FBH1: variants seen among roughly 807,000 people sequenced by gnomAD.
FBH1 encodes DNA 3'-5' helicase 1.
A neutral mutation model predicts 115.5 loss-of-function variants in FBH1; 43 were observed. The observed-to-expected ratio is 0.37, with a 90% confidence interval of 0.29 to 0.48. The LOEUF (loss-of-function observed/expected upper bound fraction) is 0.48, where lower values mean the gene tolerates loss of function less well. FBH1 is among the 20% of genes least tolerant of loss of function. The probability of loss-of-function intolerance (pLI) is 0.99; values close to 1 mark genes in which losing one functional copy is unlikely to be tolerated. For synonymous variants in FBH1, 524 were observed against 507.8 expected (o/e 1.03, Z -0.43); for missense variants, 1,001 against 1,337.3 (o/e 0.75, Z 3.92).
chr10:5,919,446 A>G (rs1369743786), intron 13 of FBH1, among the ~76,000 whole-genome samples: 2 of 152,174 alleles, frequency 1.3e-5, no homozygotes, highest in Non-Finnish European at 2.9e-5. Flanking sequence ...AGGTCGCACC[A>G]TTGTACTCCA....
chr10:5,915,670 C>A lies in FBH1; in HGVS notation c.1565+99C>A. On this transcript the variant is annotated intron_variant, in intron 9 of 20. Coordinates refer to ENST00000362091, the MANE Select transcript of FBH1 (RefSeq NM_178150.3). This position sits in a 1 kb window ranked among gnomAD's most constrained non-coding sequence, Gnocchi z 5.2. The stretch of plus-strand genomic sequence containing the variant: ...CATGTGAGCTTACACCACAGTGACC[C>A]CGAGGAGTGTAGTGCTGTTATCTCC... 1.8e-6 allele frequency: 2 copies of A among 1,125,588 alleles called. No homozygotes were observed. The highest frequency in any genetic ancestry group is 2.4e-5 in the East Asian group (1 of 40,940). The allele number at this position is 1,125,588 out of a possible 1,614,324, so 69.7% of individuals were successfully genotyped here.
Position 5,913,628 on chromosome 10 carries a change from A to G in FBH1, c.1212-119A>G, listed in dbSNP as rs1028426927. The G allele has an allele frequency of 6.1e-6, 4 of 651,260 alleles. No individual in the cohort carries two copies. The African/African-American group carries it at 7.6e-5, about 12-fold the overall frequency. The allele number at this position is 651,260 out of a possible 1,614,324, so 40.3% of individuals were successfully genotyped here. The stretch of plus-strand genomic sequence containing the variant: ...TCCTTTTCTTTCTTTTTTCCATTAA[A>G]TGGTGGTAGGTATTTTCTTTTTAGA... On this transcript the variant is annotated intron_variant, in intron 6 of 20. Transcript: ENST00000362091. The surrounding 1 kb of genome is among the most constrained non-coding windows in gnomAD (Gnocchi z 4.4).
chr10:5,906,651 CG>C lies in FBH1; in HGVS notation c.753+22del. 1.9e-6 allele frequency: 3 copies of C among 1,568,182 alleles called. No individual in the cohort carries two copies. The South Asian group carries it at 3.4e-5, about 18-fold the overall frequency. On this transcript the variant is annotated intron_variant, in intron 3 of 20. Coordinates refer to ENST00000362091, the MANE Select transcript of FBH1 (RefSeq NM_178150.3). This position sits in a 1 kb window ranked among gnomAD's most constrained non-coding sequence, Gnocchi z 7.3. ...CCCGCTGGTGAGTGAGTGCTGGAGT[CG>C]GGAGATGTTTCCTCTAAAAGCACGT...
rs561283894 is a variant in FBH1 at position 5,924,634 on chromosome 10, C to T, written c.2596+126C>T. On this transcript the variant is annotated intron_variant, in intron 17 of 20. Coordinates refer to ENST00000362091, the MANE Select transcript of FBH1 (RefSeq NM_178150.3). This position sits in a 1 kb window ranked among gnomAD's most constrained non-coding sequence, Gnocchi z 6.2. ...CCAGGCTGGAGTGCAGTGGCGTGAT[C>T]TTGGCTCACTGCAATGCCCACCTTC... 1.1e-5 allele frequency: 10 copies of T among 941,578 alleles called. No homozygotes were observed. The African/African-American group carries it at 1.3e-4, about 12-fold the overall frequency. The allele number at this position is 941,578 out of a possible 1,614,324, so 58.3% of individuals were successfully genotyped here.
intron 18 of FBH1, among the ~76,000 whole-genome samples, chr10:5,926,493 G>A (rs990520406): frequency 6.6e-6 from 1 of 152,172 alleles, no homozygotes; most frequent in African/African-American, 2.4e-5. Flanking sequence ...TATTGCTTTG[G>A]TTTTAAATCT....
chr10:5,896,224 G>A (rs1842995091), intron 1 of FBH1, among the ~76,000 whole-genome samples: 1 of 152,056 alleles, frequency 6.6e-6, no homozygotes, highest in Admixed American at 6.6e-5. Context: ...CATCTCCATC[G>A]GGGGACCTCA....
chr10:5,903,274 A>G, intron 2 of FBH1, 99 bp downstream of exon 2: 1 of 939,620 alleles, frequency 1.1e-6, no homozygotes, highest in Non-Finnish European at 1.5e-6. Flanking sequence ...TGCTGCTGTG[A>G]GTTTGTAGTC....
intron 10 of FBH1, among the ~76,000 whole-genome samples, chr10:5,916,669 T>A (rs28750073): frequency 6.7e-5 from 9 of 134,562 alleles, no homozygotes; most frequent in African/African-American, 1.8e-4. Flanking sequence ...GGATGGGGGA[T>A]CAGGGGAAGT....
chr10:5,915,094 C>G lies in FBH1; in HGVS notation c.1397-309C>G, dbSNP rs560650578. On this transcript the variant is annotated intron_variant, in intron 8 of 20. Coordinates refer to ENST00000362091, the MANE Select transcript of FBH1 (RefSeq NM_178150.3). This position sits in a 1 kb window ranked among gnomAD's most constrained non-coding sequence, Gnocchi z 5.2. ...CCTATCCTGAGGGGTCCTTTTTGCC[C>G]TCGGGAACCCTACCTCTAATGGATA... Among the ~76,000 whole-genome samples the G allele has an allele frequency of 2.0e-5, 3 of 152,078 alleles. No homozygotes were observed. The highest frequency in any genetic ancestry group is 4.4e-5 in the Non-Finnish European group (3 of 68,006).
Position 5,917,702 on chromosome 10 carries a change from A to G in FBH1, c.1963+26A>G. On this transcript the variant is annotated intron_variant, in intron 12 of 20. Coordinates refer to ENST00000362091, the MANE Select transcript of FBH1 (RefSeq NM_178150.3). This position sits in a 1 kb window ranked among gnomAD's most constrained non-coding sequence, Gnocchi z 5.6. ...GTGATACACTGTTCAGGACATCAGT[A>G]GTGTCAAATACGTAGAAACAGCGCC... 6.4e-7 allele frequency: 1 copy of G among 1,560,600 alleles called. No individual in the cohort carries two copies. Among genetic ancestry groups the G allele is most frequent in the Middle Eastern group, 1.7e-4 (1 of 5,954 alleles).
intron 9 of FBH1, 160 bp from the exon 10 acceptor site, chr10:5,916,074 G>T (rs1398702034): frequency 1.1e-5 from 7 of 656,332 alleles, no homozygotes; most frequent in Middle Eastern, 4.2e-4. Context: ...TTTCCAGTCA[G>T]ACATGGACCA....
chr10:5,890,186 C>T (rs1842610597), upstream of FBH1: 3 of 335,812 alleles, frequency 8.9e-6, no homozygotes, highest in East Asian at 4.6e-5. Context: ...GGGCGCTTCC[C>T]GGGGCTGCGG....
rs1832336157 is a variant in FBH1, at chr10:5,921,863, CT to C, written c.2322+298del. On this transcript the variant is annotated intron_variant, in intron 15 of 20. Coordinates refer to ENST00000362091, the MANE Select transcript of FBH1 (RefSeq NM_178150.3). The surrounding 1 kb of genome is among the most constrained non-coding windows in gnomAD (Gnocchi z 6.4). ...CAGTGAGGCCGCGGGTTACTGGAAG[CT>C]TTTCTAGTCATGTGTTGTCATTAGT... Among the ~76,000 whole-genome samples, 1 of 152,174 alleles carries C rather than the reference CT, an allele frequency of 6.6e-6. No individual in the cohort carries two copies. Among genetic ancestry groups the C allele is most frequent in the African/African-American group, 2.4e-5 (1 of 41,432 alleles).
intron 1 of FBH1, among the ~76,000 whole-genome samples, chr10:5,898,382 C>G (rs544523121): frequency 7.2e-4 from 109 of 152,226 alleles, no homozygotes; most frequent in African/African-American, 2.5e-3. Flanking sequence ...GGACTCCACC[C>G]TTGTGACCTT....
chr10:5,894,446 A>T, intron 1 of FBH1: 3 of 1,553,576 alleles, frequency 1.9e-6, no homozygotes, highest in Non-Finnish European at 2.7e-6. Flanking sequence ...GCACTGGACT[A>T]GGGGAGTCAG....
Position 5,895,075 on chromosome 10 carries a change from A to C in FBH1, c.1+4729A>C. The C allele has an allele frequency of 6.2e-7, 1 of 1,613,488 alleles. No homozygotes were observed. Among genetic ancestry groups the C allele is most frequent in the South Asian group, 1.1e-5 (1 of 91,020 alleles). ...TCACAGGCTGCCATTGGACCTGTCAAGTGCCTGAGTCATGTGATAATGGGC... is the reference window on the plus strand; with the variant it reads ...TCACAGGCTGCCATTGGACCTGTCACGTGCCTGAGTCATGTGATAATGGGC... On this transcript the variant is annotated intron_variant, in intron 1 of 20. Transcript: ENST00000362091. This position sits in a 1 kb window ranked among gnomAD's most constrained non-coding sequence, Gnocchi z 5.0.
rs1255201365 is a variant in FBH1, at chr10:5,918,664, A to G, written c.2100+186A>G. On this transcript the variant is annotated intron_variant, in intron 13 of 20. Coordinates refer to ENST00000362091, the MANE Select transcript of FBH1 (RefSeq NM_178150.3). The surrounding 1 kb of genome is among the most constrained non-coding windows in gnomAD (Gnocchi z 4.0). Reference sequence around the variant, plus strand: ...CTGTTTTCATAAGAGGTGTGTGCACAGCGGTCGTCTGAGGAAGAGCTGCTG... The same window carrying G: ...CTGTTTTCATAAGAGGTGTGTGCACGGCGGTCGTCTGAGGAAGAGCTGCTG... Among the ~76,000 whole-genome samples the G allele has an allele frequency of 6.6e-6, 1 of 152,202 alleles. No homozygotes were observed. Among genetic ancestry groups the G allele is most frequent in the Non-Finnish European group, 1.5e-5 (1 of 68,034 alleles).
rs972872434 is a variant in FBH1, at chr10:5,915,235, T to G, written c.1397-168T>G. Among the ~76,000 whole-genome samples the G allele has an allele frequency of 2.0e-5, 3 of 152,186 alleles. No homozygotes were observed. Among genetic ancestry groups the G allele is most frequent in the South Asian group, 2.1e-4 (1 of 4,828 alleles). ...ATCCCAGCCCACCTTCACCTGGCTT[T>G]GAATCTGCTGCTCTTTTGGTGGCAC... On this transcript the variant is annotated intron_variant, in intron 8 of 20. Coordinates refer to ENST00000362091, the MANE Select transcript of FBH1 (RefSeq NM_178150.3). This position sits in a 1 kb window ranked among gnomAD's most constrained non-coding sequence, Gnocchi z 5.2.
rs755248194 is a variant in FBH1, at chr10:5,927,517, G to A, written c.2805G>A (p.Leu935=). 1 of 1,613,010 alleles carries A rather than the reference G, an allele frequency of 6.2e-7. No homozygotes were observed. The highest frequency in any genetic ancestry group is 1.7e-5 in the Admixed American group (1 of 59,662). The change falls in exon 19 of 21, where the codon TTG becomes TTA. Residue 935 remains leucine (L), a synonymous_variant. Coordinates refer to ENST00000362091, the MANE Select transcript of FBH1 (RefSeq NM_178150.3). ...AGCGTCTCATCATGACCAAATCATT[G>A]GAAAACATTTTGACTTTGGCTGGGG... ...AKKRLIMTKS[L]ENILTLAGEY...
Sources: allele counts gnomAD v4.1 joint callset (sites outside exome capture counted in the v4.1 genomes callset), GRCh38; gene constraint gnomAD v4.1.1; non-coding constraint Gnocchi (gnomAD v3.1); transcripts MANE v1.5; gene names NCBI Gene and HGNC (gene_info 2026-07-23, HGNC 2026-07-21).